The following OLFM3 variants were observed in gnomAD, a reference collection of about 807,000 sequenced individuals.
OLFM3 encodes the protein olfactomedin 3.
In OLFM3, 20 loss-of-function variants were observed where a neutral mutation model predicts 48.6. The observed-to-expected ratio is 0.41, with a 90% CI of 0.29 to 0.60. The LOEUF is 0.60. Ranked by LOEUF, OLFM3 falls within the 20% of genes least tolerant of loss-of-function variation. The pLI is 0.28. For missense variants in OLFM3, 437 were observed against 544.3 expected (o/e 0.80, Z 1.96); for synonymous variants, 222 against 198.1 (o/e 1.12, Z -1.01).
At chr1:101,988,084 T>C (rs535470912) in intron 1 of OLFM3, among the ~76,000 whole-genome samples, 18 of 152,198 alleles carry the variant, frequency 1.2e-4, no homozygotes, top group African/African-American at 4.3e-4. Flanking sequence ...ACAGTACCAT[T>C]ATAAGTGTAT....
intron 1 of OLFM3, among the ~76,000 whole-genome samples, chr1:101,873,887 CTT>C: frequency 6.6e-6 from 1 of 151,944 alleles, no homozygotes; most frequent in South Asian, 2.1e-4. Flanking sequence ...TAAATATTGA[CTT>C]TTATTGTTAT....
chr1:101,964,417 T>G (rs1660554966), intron 1 of OLFM3, among the ~76,000 whole-genome samples: 7 of 152,164 alleles, frequency 4.6e-5, no homozygotes, highest in Admixed American at 3.3e-4. Flanking sequence ...GAAAATACAT[T>G]AATTGAGAAT....
rs1476853824 is a variant in OLFM3 at position 101,967,305 on chromosome 1, C to G, written c.69+29443G>C. ...TTCTCATTTCATTTTGGCCAAAAAA[C>G]AAAAAAAACAAATACCATGACCCCT... On this transcript the variant is annotated intron_variant, in intron 1 of 5. Coordinates refer to ENST00000370103, the MANE Select transcript of OLFM3 (RefSeq NM_058170.4). Among the ~76,000 whole-genome samples, 6 of 53,182 alleles carry G rather than the reference C, an allele frequency of 1.1e-4. No individual in the cohort carries two copies. In the Admixed American group the frequency reaches 1.3e-3, roughly 12 times the overall value. 34.9% of individuals were successfully genotyped at this position (53,182 alleles called of 152,430 possible).
intron 1 of OLFM3, among the ~76,000 whole-genome samples, chr1:101,854,950 C>T (rs1656358072): frequency 6.6e-6 from 1 of 152,050 alleles, no homozygotes. Flanking sequence ...AGTGCTCAAT[C>T]AATGTTTGCC....
rs577283701 is a variant in OLFM3, at chr1:101,924,637, T to C, written c.69+72111A>G. Among the ~76,000 whole-genome samples, 9 of 152,324 alleles carry C rather than the reference T, an allele frequency of 5.9e-5. No individual in the cohort carries two copies. The South Asian group carries it at 1.2e-3, about 21-fold the overall frequency. ...ACACTGTCATTCCCAATAAGCCTAG[T>C]GAAATATTTCCACTTGCATCCTCCA... On this transcript the variant is annotated intron_variant, in intron 1 of 5. Transcript: ENST00000370103.
At chr1:101,816,214 C>T (rs1206668105) in intron 4 of OLFM3, among the ~76,000 whole-genome samples, 2 of 152,076 alleles carry the variant, frequency 1.3e-5, no homozygotes, top group South Asian at 2.1e-4. Context: ...TTGAAAAGAA[C>T]GTAACCAAAG....
chr1:101,915,632 A>C (rs537672988), intron 1 of OLFM3, among the ~76,000 whole-genome samples: 1 of 152,296 alleles, frequency 6.6e-6, no homozygotes, highest in East Asian at 1.9e-4. Context: ...ACACGAAGAA[A>C]TTGATGAATG....
At chr1:101,865,169 T>C (rs941790181) in intron 1 of OLFM3, among the ~76,000 whole-genome samples, 2 of 152,188 alleles carry the variant, frequency 1.3e-5, no homozygotes, top group Admixed American at 1.3e-4. Context: ...TTGCTTATTC[T>C]GTCTTCCCTG....
intron 1 of OLFM3, among the ~76,000 whole-genome samples, chr1:101,917,696 C>T (rs894090960): frequency 6.6e-6 from 1 of 152,164 alleles, no homozygotes; most frequent in Non-Finnish European, 1.5e-5. Flanking sequence ...GGATTATGGG[C>T]ATGAGCCACA....
chr1:101,952,236 C>A (rs1343496422), intron 1 of OLFM3, among the ~76,000 whole-genome samples: 1 of 152,116 alleles, frequency 6.6e-6, no homozygotes, highest in Non-Finnish European at 1.5e-5. Context: ...CTTTTTTGGA[C>A]TGACTTGTTT....
intron 1 of OLFM3, among the ~76,000 whole-genome samples, chr1:101,921,728 A>G (rs965262508): frequency 3.9e-5 from 6 of 152,226 alleles, no homozygotes; most frequent in African/African-American, 1.4e-4. Context: ...ACAACTCTGT[A>G]TGAACTGATG....
chr1:101,900,987 T>C (rs1369020961), intron 1 of OLFM3, among the ~76,000 whole-genome samples: 1 of 152,142 alleles, frequency 6.6e-6, no homozygotes, highest in Non-Finnish European at 1.5e-5. Flanking sequence ...GGATTCTCTA[T>C]GACCTTTCTA....
chr1:101,891,865 G>C (rs903771755), intron 1 of OLFM3, among the ~76,000 whole-genome samples: 1 of 151,830 alleles, frequency 6.6e-6, no homozygotes, highest in African/African-American at 2.4e-5. Flanking sequence ...GTGTTTGTTA[G>C]AACCATATGG....
rs968055659 is a variant in OLFM3, at chr1:101,805,990, A to G, written c.699+86T>C. The G allele has an allele frequency of 1.5e-5, 14 of 912,064 alleles. No homozygotes were observed. The Admixed American group carries it at 1.6e-4, about 11-fold the overall frequency. The allele number at this position is 912,064 out of a possible 1,614,324, so 56.5% of individuals were successfully genotyped here. On this transcript the variant is annotated intron_variant, in intron 5 of 5. Coordinates refer to ENST00000370103, the MANE Select transcript of OLFM3 (RefSeq NM_058170.4). ...TACCAGTTTTCAAGTACAAACAAAT[A>G]TCCCTGAAGAAAATGAATAGTCCAG...
intron 4 of OLFM3, chr1:101,812,865 C>T: frequency 3.0e-6 from 3 of 993,900 alleles, no homozygotes; most frequent in Non-Finnish European, 3.6e-6. Flanking sequence ...TCCAGTCAAT[C>T]ATACCTTAGA....
At chr1:101,897,391 A>C (rs1261471681) in intron 1 of OLFM3, among the ~76,000 whole-genome samples, 1 of 152,160 alleles carries the variant, frequency 6.6e-6, no homozygotes, top group African/African-American at 2.4e-5. Flanking sequence ...AGCTTTGTAA[A>C]ATGGTTAAGT....
chr1:101,807,015 A>G (rs1362841443), intron 4 of OLFM3, among the ~76,000 whole-genome samples: 1 of 151,844 alleles, frequency 6.6e-6, no homozygotes. Flanking sequence ...TTAAAAAAAG[A>G]TTACTATAAA....
intron 4 of OLFM3, among the ~76,000 whole-genome samples, chr1:101,820,286 C>T (rs567806798): frequency 6.6e-6 from 1 of 152,168 alleles, no homozygotes; most frequent in South Asian, 2.1e-4. Flanking sequence ...GGCACCAAAC[C>T]ATTGCCCTAA....
At chr1:101,910,084 T>C (rs746301730) in intron 1 of OLFM3, 147 of 983,656 alleles carry the variant, frequency 1.5e-4, no homozygotes, top group Non-Finnish European at 1.7e-4. Context: ...TGCTTCTTCA[T>C]ATCCCTTGTC....
Sources: gnomAD v4.1 joint callset for allele counts (sites outside exome capture counted in the v4.1 genomes callset) on GRCh38, gnomAD v4.1.1 for gene constraint, MANE v1.5 for transcripts, NCBI Gene and HGNC (gene_info 2026-07-23, HGNC 2026-07-21) for gene names.